The following INPP4A variants were observed in gnomAD, a reference collection of about 807,000 sequenced individuals.
INPP4A encodes the protein inositol polyphosphate-4-phosphatase, type I, 107kD.
INPP4A carries 33 observed loss-of-function variants against 119.8 expected under a neutral mutation model. The ratio of observed to expected loss-of-function variants is 0.28; its 90% CI spans 0.21 to 0.37. The LOEUF (loss-of-function observed/expected upper bound fraction) is 0.37, where lower values mean the gene tolerates loss of function less well. Among genes scored for constraint, INPP4A ranks in the 10% least tolerant of loss-of-function variants. The pLI is 1.00. For synonymous variants in INPP4A, 496 were observed against 500.7 expected (o/e 0.99, Z 0.12); for missense variants, 956 against 1,289.9 (o/e 0.74, Z 3.97).
At chr2:98,491,544 C>T (rs1443652328) in intron 1 of INPP4A, among the ~76,000 whole-genome samples, 1 of 152,216 alleles carries the variant, frequency 6.6e-6, no homozygotes, top group Non-Finnish European at 1.5e-5. Context: ...GTGAGCCCAT[C>T]ACAGTGAATA....
rs1661156482 is a variant in INPP4A at position 98,552,594 on chromosome 2, A to G, written c.1164-192A>G. ...GACTGAGTCATAGTTTAATATTTCA[A>G]GCTCCTGCCATATAGACAGGAAGAA... On this transcript the variant is annotated intron_variant, in intron 13 of 24. Coordinates refer to ENST00000409851, the MANE Select transcript of INPP4A (RefSeq NM_001134225.2). 4 of 721,250 alleles carry G rather than the reference A, an allele frequency of 5.5e-6. No individual in the cohort carries two copies. The Admixed American group carries it at 7.5e-5, about 14-fold the overall frequency. 44.7% of individuals were successfully genotyped at this position (721,250 alleles called of 1,614,324 possible). A position where few individuals can be genotyped will look rare whatever the true frequency, so the allele number is the denominator to read the frequency against.
chr2:98,542,494 A>G (rs1014401771), intron 10 of INPP4A, among the ~76,000 whole-genome samples: 3 of 152,196 alleles, frequency 2.0e-5, no homozygotes, highest in African/African-American at 7.2e-5. Context: ...ACTTCCCGGA[A>G]GCAACCAATT....
intron 18 of INPP4A, among the ~76,000 whole-genome samples, chr2:98,563,845 C>T (rs1377333639): frequency 2.0e-5 from 3 of 152,150 alleles, no homozygotes; most frequent in Non-Finnish European, 4.4e-5. Flanking sequence ...GCTTGCTTCT[C>T]CCAAGGAACT....
intron 22 of INPP4A, among the ~76,000 whole-genome samples, chr2:98,571,051 G>A (rs768363431): frequency 2.6e-5 from 4 of 152,190 alleles, no homozygotes; most frequent in Admixed American, 6.5e-5. Context: ...AAGGTCCTGC[G>A]AGGACTTGGC....
chr2:98,584,341 G>A (rs1279485903), intron 24 of INPP4A, among the ~76,000 whole-genome samples: 1 of 152,234 alleles, frequency 6.6e-6, no homozygotes, highest in Non-Finnish European at 1.5e-5. Context: ...TGCCTGTAGT[G>A]GTGACTTACG....
intron 13 of INPP4A, among the ~76,000 whole-genome samples, chr2:98,551,103 A>G (rs1203305742): frequency 6.6e-6 from 1 of 151,982 alleles, no homozygotes; most frequent in Non-Finnish European, 1.5e-5. Flanking sequence ...CCACAAGCAC[A>G]AGCCACCATG....
intron 1 of INPP4A, among the ~76,000 whole-genome samples, chr2:98,499,011 A>C (rs545650177): frequency 2.0e-5 from 3 of 152,244 alleles, no homozygotes; most frequent in South Asian, 4.1e-4. Flanking sequence ...ACTAATCCAC[A>C]TGTCTAATGT....
At chr2:98,557,183 T>A (rs1451764928) in intron 16 of INPP4A, among the ~76,000 whole-genome samples, 1 of 152,230 alleles carries the variant, frequency 6.6e-6, no homozygotes, top group Non-Finnish European at 1.5e-5. Flanking sequence ...GATACATTTT[T>A]ATTCAGTTTT....
chr2:98,563,255 G>A (rs1403300005), intron 17 of INPP4A, among the ~76,000 whole-genome samples: 3 of 152,156 alleles, frequency 2.0e-5, no homozygotes, highest in African/African-American at 7.2e-5. Flanking sequence ...TACCGGAGTA[G>A]AACTGGTGTT....
rs539256333 is a variant in INPP4A at position 98,510,060 on chromosome 2, C to G, written c.-165-8904C>G. On this transcript the variant is annotated intron_variant, in intron 1 of 24. Transcript: ENST00000409851. ...GGGCAGGAGCAGGATGAAGACACTG[C>G]TAGGAGGTTCACAGGCCCCGTCATT... Among the ~76,000 whole-genome samples the G allele has an allele frequency of 2.6e-5, 4 of 152,230 alleles. No individual in the cohort carries two copies. In the East Asian group the frequency reaches 7.7e-4, roughly 29 times the overall value.
intron 10 of INPP4A, among the ~76,000 whole-genome samples, chr2:98,542,978 G>A (rs1456637193): frequency 1.3e-5 from 2 of 151,476 alleles, no homozygotes; most frequent in African/African-American, 4.9e-5. Flanking sequence ...GGAGTGCAGT[G>A]GTGCGATCCT....
chr2:98,531,982 G>A (rs1392744729), intron 4 of INPP4A, among the ~76,000 whole-genome samples: 1 of 152,146 alleles, frequency 6.6e-6, no homozygotes, highest in Non-Finnish European at 1.5e-5. Flanking sequence ...TGCTAACAAA[G>A]GAGAGACCTG....
At chr2:98,538,867 G>A in intron 8 of INPP4A, 24 bp from the exon 9 acceptor site, 4 of 1,428,804 alleles carry the variant, frequency 2.8e-6, no homozygotes, top group Non-Finnish European at 3.9e-6. Context: ...CAGTTTTCTT[G>A]TGCATTTCCT....
At chr2:98,561,229 G>A (rs1695416750) in intron 17 of INPP4A, among the ~76,000 whole-genome samples, 2 of 152,174 alleles carry the variant, frequency 1.3e-5, no homozygotes, top group African/African-American at 4.8e-5. Flanking sequence ...TTAGGAACTA[G>A]ATAAGGAGTT....
At position 98,535,720 on chromosome 2, in the gene INPP4A, C is replaced by T. The variant is rs776621995; in HGVS notation, c.271-9C>T. ...CCCTGTGTTCTGATTATTTCCTTTTCTGTTCTAGGGAACCAACAATCCTAT... is the reference window on the plus strand; with the variant it reads ...CCCTGTGTTCTGATTATTTCCTTTTTTGTTCTAGGGAACCAACAATCCTAT... On this transcript the variant is annotated splice_polypyrimidine_tract_variant and intron_variant, in intron 5 of 24. Coordinates refer to ENST00000409851, the MANE Select transcript of INPP4A (RefSeq NM_001134225.2). 7.7e-7 allele frequency: 1 copy of T among 1,306,798 alleles called. No homozygotes were observed. Among genetic ancestry groups the T allele is most frequent in the East Asian group, 2.4e-5 (1 of 42,232 alleles). The allele number at this position is 1,306,798 out of a possible 1,614,324, so 81.0% of individuals were successfully genotyped here. A position where few individuals can be genotyped will look rare whatever the true frequency, so the allele number is the denominator to read the frequency against.
At position 98,470,110 on chromosome 2, in the gene INPP4A, T is replaced by C. The variant is rs564366813; in HGVS notation, c.-166+25025T>C. 2.0e-5 allele frequency among the ~76,000 whole-genome samples: 3 copies of C among 152,334 alleles called. No homozygotes were observed. The East Asian group carries it at 5.8e-4, about 29-fold the overall frequency. ...AACCACAGCCCTGGTTCTGGCCACT[T>C]CTCAGCACAGTGGCCTGTGGCTGGA... is the stretch of plus-strand genomic sequence containing the variant. On this transcript the variant is annotated intron_variant, in intron 1 of 24. Coordinates refer to ENST00000409851, the MANE Select transcript of INPP4A (RefSeq NM_001134225.2).
At position 98,458,754 on chromosome 2, in the gene INPP4A, T is replaced by C. The variant is rs550065278; in HGVS notation, c.-166+13669T>C. Among the ~76,000 whole-genome samples the C allele has an allele frequency of 3.9e-5, 6 of 152,306 alleles. No individual in the cohort carries two copies. The East Asian group carries it at 1.2e-3, about 29-fold the overall frequency. ...AACAAAAGGTGTTGGGACCCCTAAG[T>C]ATGCAGCATGTATGCAGAGAGTGAG... is the stretch of plus-strand genomic sequence containing the variant. On this transcript the variant is annotated intron_variant, in intron 1 of 24. Coordinates refer to ENST00000409851, the MANE Select transcript of INPP4A (RefSeq NM_001134225.2).
intron 2 of INPP4A, 131 bp from the exon 3 acceptor site, chr2:98,519,815 C>T (rs1686840040): frequency 1.9e-6 from 1 of 527,524 alleles, no homozygotes; most frequent in Non-Finnish European, 3.5e-6. Context: ...GACAGTCCAC[C>T]CCGGTTCCTC....
intron 1 of INPP4A, among the ~76,000 whole-genome samples, chr2:98,515,720 C>A (rs951018745): frequency 6.6e-6 from 1 of 152,202 alleles, no homozygotes; most frequent in Non-Finnish European, 1.5e-5. Context: ...GGTGGAGGGA[C>A]CTGCAGTACT....
Sources: gnomAD v4.1 joint callset for allele counts (sites outside exome capture counted in the v4.1 genomes callset) on GRCh38, gnomAD v4.1.1 for gene constraint, MANE v1.5 for transcripts, NCBI Gene and HGNC (gene_info 2026-07-23, HGNC 2026-07-21) for gene names.